The following PLD5 variants were observed in gnomAD, a reference collection of about 807,000 sequenced individuals.
The protein encoded by PLD5 is phospholipase D family member 5.
A neutral mutation model predicts 61.1 loss-of-function variants in PLD5; 36 were observed. That is an observed-to-expected ratio of 0.59 (90% CI 0.45 to 0.78). The LOEUF is 0.78. Ranked by LOEUF, PLD5 falls within the 30% of genes least tolerant of loss-of-function variation. The pLI is 0.00. For missense variants in PLD5, 515 were observed against 644.4 expected (o/e 0.80, Z 2.17); for synonymous variants, 243 against 242.8 (o/e 1.00, Z -0.01).
chr1:242,250,883 G>A (rs1370582266), intron 4 of PLD5, among the ~76,000 whole-genome samples: 1 of 151,786 alleles, frequency 6.6e-6, no homozygotes, highest in African/African-American at 2.4e-5. Context: ...GAGGGAGGGA[G>A]GGAAAAGGAG....
At chr1:242,373,973 C>CA (rs74686206) in intron 1 of PLD5, among the ~76,000 whole-genome samples, 117,182 of 149,976 alleles carry the variant, frequency 0.78, 45,862 homozygotes, top group East Asian at 0.88. Flanking sequence ...ATAATAAAAA[C>CA]AAAAAAAAAG....
Position 242,289,380 on chromosome 1 carries a change from G to A in PLD5, c.327-850C>T, listed in dbSNP as rs193099253. 5.0e-3 allele frequency among the ~76,000 whole-genome samples: 752 copies of A among 151,880 alleles called. 8 individuals carry two copies. The highest frequency in any genetic ancestry group is 0.017 in the African/African-American group (704 of 41,444). On this transcript the variant is annotated intron_variant, in intron 2 of 9. Transcript: ENST00000536534. ...AATTCTTTTTTTGAGATGGAGTCTC[G>A]CTCTGTTGCCCAGGCTGGAGTGCAG...
At chr1:242,182,798 G>A (rs193014851) in intron 5 of PLD5, among the ~76,000 whole-genome samples, 14 of 152,100 alleles carry the variant, frequency 9.2e-5, no homozygotes, top group African/African-American at 1.4e-4. Flanking sequence ...AGGCAAGATC[G>A]CGCCACTGCA....
chr1:242,491,834 T>C lies in PLD5; in HGVS notation c.189+32254A>G, dbSNP rs149304001. 7.2e-5 allele frequency among the ~76,000 whole-genome samples: 11 copies of C among 152,328 alleles called. No homozygotes were observed. The East Asian group carries it at 2.1e-3, about 29-fold the overall frequency. ...ATAGGATTTTGTCTCCATGAAACTG[T>C]TGGAGTAACTTTCCACACATATTCT... On this transcript the variant is annotated intron_variant, in intron 1 of 9. Coordinates refer to ENST00000536534, the MANE Select transcript of PLD5 (RefSeq NM_001372062.1).
At chr1:242,243,670 C>T (rs1419336159) in intron 4 of PLD5, among the ~76,000 whole-genome samples, 2 of 152,190 alleles carry the variant, frequency 1.3e-5, no homozygotes, top group African/African-American at 2.4e-5. Flanking sequence ...GTTTGGGAAA[C>T]TCTTCCTAGG....
intron 1 of PLD5, among the ~76,000 whole-genome samples, chr1:242,457,983 A>G (rs1416737891): frequency 1.3e-5 from 2 of 152,134 alleles, no homozygotes; most frequent in Admixed American, 6.5e-5. Context: ...ACCCCTTTCA[A>G]TATCACTTTA....
chr1:242,326,552 C>CA (rs1240134654), intron 2 of PLD5, among the ~76,000 whole-genome samples: 2 of 152,114 alleles, frequency 1.3e-5, no homozygotes, highest in Non-Finnish European at 2.9e-5. Context: ...AATCCTCCCC[C>CA]ATCCCTCCTT....
intron 9 of PLD5, 38 bp downstream of exon 9, chr1:242,100,630 G>C: frequency 6.6e-7 from 1 of 1,505,260 alleles, no homozygotes; most frequent in Non-Finnish European, 9.2e-7. Context: ...CTCCCTGGGT[G>C]ACCCCCACCC....
At chr1:242,429,477 C>T (rs910196703) in intron 1 of PLD5, among the ~76,000 whole-genome samples, 1 of 152,048 alleles carries the variant, frequency 6.6e-6, no homozygotes, top group African/African-American at 2.4e-5. Flanking sequence ...GAACTCCAGG[C>T]CTTAAGTGAT....
At chr1:242,259,540 G>C (rs1410767025) in intron 4 of PLD5, among the ~76,000 whole-genome samples, 1 of 152,070 alleles carries the variant, frequency 6.6e-6, no homozygotes, top group Non-Finnish European at 1.5e-5. Flanking sequence ...AGATATTTCA[G>C]ATCCTAAATG....
chr1:242,323,553 G>C (rs1205088184), intron 2 of PLD5, among the ~76,000 whole-genome samples: 1 of 152,174 alleles, frequency 6.6e-6, no homozygotes, highest in Admixed American at 6.5e-5. Context: ...TTTATCAGGA[G>C]TTATTCTGAA....
intron 5 of PLD5, 60 bp from the exon 6 acceptor site, chr1:242,124,725 G>A: frequency 7.1e-7 from 1 of 1,409,078 alleles, no homozygotes; most frequent in African/African-American, 1.4e-5. Context: ...TATTTTCAGA[G>A]AAAAAAGGAA....
chr1:242,171,939 T>C (rs536126509), intron 5 of PLD5, among the ~76,000 whole-genome samples: 232 of 152,168 alleles, frequency 1.5e-3, no homozygotes, highest in African/African-American at 5.3e-3. Flanking sequence ...TCCCACACAA[T>C]AATAGTGGGA....
At chr1:242,173,539 G>A (rs558465439) in intron 5 of PLD5, among the ~76,000 whole-genome samples, 33 of 151,978 alleles carry the variant, frequency 2.2e-4, no homozygotes, top group African/African-American at 7.7e-4. Flanking sequence ...TCACAGAATT[G>A]GAAAAAATTA....
chr1:242,518,615 T>C (rs2810003), intron 1 of PLD5, among the ~76,000 whole-genome samples: 1 of 152,010 alleles, frequency 6.6e-6, no homozygotes, highest in Non-Finnish European at 1.5e-5. Context: ...GAGATAGTTA[T>C]AGAAGTCTAT....
Position 242,207,886 on chromosome 1 carries a change from T to A in PLD5, c.735+12102A>T, listed in dbSNP as rs1472042067. Among the ~76,000 whole-genome samples, 105 of 25,344 alleles carry A rather than the reference T, an allele frequency of 4.1e-3. 27 individuals carry two copies. Among genetic ancestry groups the A allele is most frequent in the African/African-American group, 0.036 (80 of 2,220 alleles). The allele number at this position is 25,344 out of a possible 152,430, so 16.6% of individuals were successfully genotyped here. On this transcript the variant is annotated intron_variant, in intron 5 of 9. Coordinates refer to ENST00000536534, the MANE Select transcript of PLD5 (RefSeq NM_001372062.1). ...TATATATTTATATATATTTATATAT[T>A]TATATATATTTATATATTTATATAT...
chr1:242,229,906 A>AT (rs927041647), intron 4 of PLD5, among the ~76,000 whole-genome samples: 6 of 133,954 alleles, frequency 4.5e-5, no homozygotes, highest in Admixed American at 8.2e-5. Context: ...AAAAATATTG[A>AT]TAAAAAAAAA....
chr1:242,421,561 G>A (rs1261530503), intron 1 of PLD5, among the ~76,000 whole-genome samples: 1 of 152,164 alleles, frequency 6.6e-6, no homozygotes, highest in African/African-American at 2.4e-5. Context: ...AGGAGATACG[G>A]GATTTCATAG....
intron 1 of PLD5, among the ~76,000 whole-genome samples, chr1:242,418,485 C>A (rs1219286484): frequency 6.6e-6 from 1 of 152,046 alleles, no homozygotes; most frequent in East Asian, 1.9e-4. Flanking sequence ...GTGGGATCAT[C>A]AAAAGAAGTG....
Sources: gnomAD v4.1 joint callset for allele counts (sites outside exome capture counted in the v4.1 genomes callset) on GRCh38, gnomAD v4.1.1 for gene constraint, MANE v1.5 for transcripts, NCBI Gene and HGNC (gene_info 2026-07-23, HGNC 2026-07-21) for gene names.